Variants in PIERCE2 observed in about 807,000 individuals in gnomAD.
The protein encoded by PIERCE2 is piercer of microtubule wall 2 protein.
chr15:55,415,349 G>C, the PIERCE2 span, among the ~76,000 whole-genome samples: 2 of 151,800 alleles, frequency 1.3e-5, no homozygotes, highest in South Asian at 2.1e-4. Flanking sequence ...CCATCTACTC[G>C]GGAGGCTGAG....
chr15:55,412,070 A>C, the PIERCE2 span, among the ~76,000 whole-genome samples: 1 of 143,498 alleles, frequency 7.0e-6, no homozygotes. Context: ...CAGACTGGGC[A>C]ACAGAGTGAG....
chr15:55,413,036 A>T, the PIERCE2 span, among the ~76,000 whole-genome samples: 3 of 152,260 alleles, frequency 2.0e-5, no homozygotes, highest in East Asian at 5.8e-4. Flanking sequence ...TGGGAGGCCA[A>T]GGCGGGCGGA....
chr15:55,413,137 T>G, the PIERCE2 span, among the ~76,000 whole-genome samples: 3 of 151,896 alleles, frequency 2.0e-5, no homozygotes, highest in South Asian at 2.1e-4. Context: ...GCACGGTGGC[T>G]GGCGCCTGTA....
the PIERCE2 span, among the ~76,000 whole-genome samples, chr15:55,414,886 G>T: frequency 5.3e-5 from 8 of 151,768 alleles, no homozygotes; most frequent in Non-Finnish European, 1.2e-4. Flanking sequence ...TCAAAAAAAA[G>T]AAAAACAAAA....
At chr15:55,416,745 G>C in the PIERCE2 span, among the ~76,000 whole-genome samples, 2 of 152,022 alleles carry the variant, frequency 1.3e-5, no homozygotes, top group Non-Finnish European at 2.9e-5. Context: ...GATCACCTGA[G>C]GTCAGGAGTT....
chr15:55,411,432 C>T, the PIERCE2 span, among the ~76,000 whole-genome samples: 1 of 152,046 alleles, frequency 6.6e-6, no homozygotes, highest in South Asian at 2.1e-4. Flanking sequence ...CCACTGCACT[C>T]CAGCTTAGGT....
the PIERCE2 span, chr15:55,408,826 T>TA: frequency 6.8e-7 from 1 of 1,462,006 alleles, no homozygotes; most frequent in African/African-American, 1.4e-5. Flanking sequence ...GGAATGTTGG[T>TA]ATTCGCTAGT....
chr15:55,410,142 A>G, the PIERCE2 span, among the ~76,000 whole-genome samples: 2 of 152,172 alleles, frequency 1.3e-5, no homozygotes, highest in Non-Finnish European at 2.9e-5. Context: ...ATCTATAAAC[A>G]TTTGTGAATT....
At chr15:55,409,247 TACAAAAAATTA>T in the PIERCE2 span, among the ~76,000 whole-genome samples, 1 of 151,812 alleles carries the variant, frequency 6.6e-6, no homozygotes, top group Non-Finnish European at 1.5e-5. Context: ...CTCTACTAAA[TACAAAAAATTA>T]GCCAGGAGAG....
At chr15:55,411,929 A>T in the PIERCE2 span, among the ~76,000 whole-genome samples, 19 of 151,942 alleles carry the variant, frequency 1.3e-4, no homozygotes, top group African/African-American at 4.3e-4. Context: ...CTCACAAAAA[A>T]AAATAAATAA....
At chr15:55,408,920 C>T in the PIERCE2 span, 1 of 598,482 alleles carries the variant, frequency 1.7e-6, no homozygotes, top group South Asian at 2.2e-5. Flanking sequence ...TGAGCTTTTA[C>T]ATTTACACTT....
At chr15:55,410,242 T>C in the PIERCE2 span, among the ~76,000 whole-genome samples, 3 of 152,198 alleles carry the variant, frequency 2.0e-5, no homozygotes, top group Non-Finnish European at 1.5e-5. Flanking sequence ...ATCAGCTAAT[T>C]TGTCTTCTGT....
At chr15:55,415,528 A>G in the PIERCE2 span, among the ~76,000 whole-genome samples, 1 of 151,754 alleles carries the variant, frequency 6.6e-6, no homozygotes, top group Non-Finnish European at 1.5e-5. Context: ...TCCCGTCTCC[A>G]ACAACCTAGC....
At chr15:55,411,979 G>A in the PIERCE2 span, among the ~76,000 whole-genome samples, 335 of 150,438 alleles carry the variant, frequency 2.2e-3, 3 homozygotes, top group East Asian at 0.01. Context: ...TAAGCCCAGC[G>A]ATTTGGGAGG....
chr15:55,418,222 G>A, the PIERCE2 span: 1 of 1,571,368 alleles, frequency 6.4e-7, no homozygotes, highest in South Asian at 1.2e-5. Context: ...TTATCTTTTA[G>A]GATAAGAAAA....
the PIERCE2 span, chr15:55,418,295 C>A: frequency 6.5e-7 from 1 of 1,548,672 alleles, no homozygotes; most frequent in Non-Finnish European, 8.7e-7. Context: ...TTGTGTGAAC[C>A]CTGGCAATCC....
At chr15:55,409,645 A>C in the PIERCE2 span, among the ~76,000 whole-genome samples, 1 of 152,208 alleles carries the variant, frequency 6.6e-6, no homozygotes, top group Non-Finnish European at 1.5e-5. Flanking sequence ...ATCAACAGTG[A>C]CATCAAAAAA....
the PIERCE2 span, among the ~76,000 whole-genome samples, chr15:55,416,094 T>G: frequency 6.8e-6 from 1 of 147,792 alleles, no homozygotes. Flanking sequence ...TTTTAAACAT[T>G]GTTATATATA....
At chr15:55,418,194 GAGA>G in the PIERCE2 span, 1 of 1,565,258 alleles carries the variant, frequency 6.4e-7, no homozygotes, top group Non-Finnish European at 8.6e-7. Context: ...CTTTATAATG[GAGA>G]ATGATTTTAT....
Sources: gnomAD v4.1 joint callset for allele counts (sites outside exome capture counted in the v4.1 genomes callset) on GRCh38, gnomAD v4.1.1 for gene constraint, MANE v1.5 for transcripts, NCBI Gene and HGNC (gene_info 2026-07-23, HGNC 2026-07-21) for gene names.